Variants in SH2B1 observed in about 807,000 individuals in gnomAD.
SH2B1 encodes SH2B adapter protein 1.
SH2B1 carries 15 observed loss-of-function variants against 62.6 expected under a neutral mutation model. That is an observed-to-expected ratio of 0.24 (90% CI 0.16 to 0.37). The LOEUF (loss-of-function observed/expected upper bound fraction) is 0.37, where lower values mean the gene tolerates loss of function less well. Among genes scored for constraint, SH2B1 ranks in the 10% least tolerant of loss-of-function variants. The probability of loss-of-function intolerance (pLI) is 1.00; values close to 1 mark genes in which losing one functional copy is unlikely to be tolerated. For missense variants in SH2B1, 925 were observed against 1,015.6 expected (o/e 0.91, Z 1.21); for synonymous variants, 443 against 438.0 (o/e 1.01, Z -0.14).
chr16:28,861,408 C>T (rs1391263450), upstream of SH2B1, among the ~76,000 whole-genome samples: 5 of 149,990 alleles, frequency 3.3e-5, no homozygotes, highest in African/African-American at 4.9e-5. Context: ...GGATTACAGG[C>T]GTGAGCCACT....
rs1259173791 is a variant in SH2B1, at chr16:28,873,867, G to A, written c.*47G>A. 1.1e-5 allele frequency: 15 copies of A among 1,390,160 alleles called. No individual in the cohort carries two copies. The highest frequency in any genetic ancestry group is 8.9e-5 in the African/African-American group (6 of 67,604). The allele number at this position is 1,390,160 out of a possible 1,614,324, so 86.1% of individuals were successfully genotyped here. On this transcript the variant is annotated 3_prime_UTR_variant, in exon 8 of 8. Transcript: ENST00000684370. This position sits in a 1 kb window ranked among gnomAD's most constrained non-coding sequence, Gnocchi z 4.2. ...CTTTTTAAACCCCCCAGCCCTGCTC[G>A]TGAGATTGGGCTGGGTAGGGACAGA...
At chr16:28,858,031 G>A (rs144938020) in intron 1 of SH2B1, among the ~76,000 whole-genome samples, 512 of 151,960 alleles carry the variant, frequency 3.4e-3, no homozygotes, top group African/African-American at 0.011. Flanking sequence ...GAGCCACCGC[G>A]CCCGGCCAGA....
chr16:28,850,904 G>T (rs1962083035), intron 1 of SH2B1, among the ~76,000 whole-genome samples: 1 of 150,884 alleles, frequency 6.6e-6, no homozygotes, highest in African/African-American at 2.4e-5. Flanking sequence ...GCCGGACGTG[G>T]TGGCTCATGC....
intron 2 of SH2B1, among the ~76,000 whole-genome samples, chr16:28,868,652 T>C (rs1293421747): frequency 6.6e-6 from 1 of 152,096 alleles, no homozygotes; most frequent in African/African-American, 2.4e-5. Flanking sequence ...GAGACAGGGT[T>C]TCACCACATT....
rs1470785600 is a variant in SH2B1, at chr16:28,866,767, A to G, written c.673A>G (p.Thr225Ala). 4.4e-6 allele frequency: 7 copies of G among 1,579,456 alleles called. No individual in the cohort carries two copies. In the Middle Eastern group the frequency reaches 5.1e-4, roughly 116 times the overall value. Residue 225 changes from threonine (T) to alanine (A), a missense_variant, in exon 1 of 8, where the codon ACT becomes GCT. Transcript: ENST00000684370. The surrounding 1 kb of genome is among the most constrained non-coding windows in gnomAD (Gnocchi z 6.3). ...TGGAACGTCCCCTGGGGAAAGATGG[A>G]CTCACCGTTTTGAGAGGCTGAGACT... ...SDGTSPGERW[T>A]HRFERLRLSR...
chr16:28,848,398 A>G (rs1962031109), intron 1 of SH2B1, among the ~76,000 whole-genome samples: 1 of 151,986 alleles, frequency 6.6e-6, no homozygotes, highest in South Asian at 2.1e-4. Context: ...AGATGGTGCC[A>G]CTGCACTCCA....
At chr16:28,867,876 TGGAGTGCA>T (rs1377290910) in intron 2 of SH2B1, among the ~76,000 whole-genome samples, 1 of 152,254 alleles carries the variant, frequency 6.6e-6, no homozygotes, top group Non-Finnish European at 1.5e-5. Flanking sequence ...CCGCACAGGC[TGGAGTGCA>T]GCGGCGCGAT....
intron 1 of SH2B1, among the ~76,000 whole-genome samples, chr16:28,854,099 C>A (rs866881349): frequency 1.3e-5 from 2 of 150,906 alleles, no homozygotes; most frequent in Non-Finnish European, 2.9e-5. Flanking sequence ...CAAGACTAGC[C>A]TGGGCAATGT....
Position 28,864,042 on chromosome 16 carries a change from G to C in SH2B1, c.-2053G>C. ...AGGATTCCTGGGTGGGGGTGGGCGT[G>C]GAGGGCCGGGGGCTGGAGAGGCACT... On this transcript the variant is annotated 5_prime_UTR_variant, in exon 1 of 8. Coordinates refer to ENST00000684370, the MANE Select transcript of SH2B1 (RefSeq NM_001387430.1). 3 of 1,379,916 alleles carry C rather than the reference G, an allele frequency of 2.2e-6. No individual in the cohort carries two copies. The highest frequency in any genetic ancestry group is 2.8e-6 in the Non-Finnish European group (3 of 1,065,484). The allele number at this position is 1,379,916 out of a possible 1,614,324, so 85.5% of individuals were successfully genotyped here. A position where few individuals can be genotyped will look rare whatever the true frequency, so the allele number is the denominator to read the frequency against.
In SH2B1 at chr16:28,865,703, G is replaced by T; in HGVS notation, c.-392G>T. ...ATATTGGAGGATCCGATGTAGAGGG[G>T]GGGTGATCTGGAAAAGTTCCCTTTT... On this transcript the variant is annotated 5_prime_UTR_variant, in exon 1 of 8. Transcript: ENST00000684370. The T allele has an allele frequency of 9.8e-7, 1 of 1,017,266 alleles. No individual in the cohort carries two copies. Among genetic ancestry groups the T allele is most frequent in the Non-Finnish European group, 1.2e-6 (1 of 851,726 alleles). 63.0% of individuals were successfully genotyped at this position (1,017,266 alleles called of 1,614,324 possible).
chr16:28,871,704 G>A, intron 4 of SH2B1, 76 bp from the exon 5 acceptor site: 4 of 1,189,850 alleles, frequency 3.4e-6, no homozygotes, highest in Non-Finnish European at 5.0e-6. Context: ...TAGACTGCTG[G>A]TGAGGAGATG....
chr16:28,869,301 G>C lies in SH2B1; in HGVS notation c.1227G>C (p.Leu409=), dbSNP rs1962902710. 1 of 1,614,140 alleles carries C rather than the reference G, an allele frequency of 6.2e-7. No individual in the cohort carries two copies. The highest frequency in any genetic ancestry group is 2.2e-5 in the East Asian group (1 of 44,884). The change falls in exon 4 of 8, where the codon CTG becomes CTC. Residue 409 remains leucine, a synonymous_variant. Coordinates refer to ENST00000684370, the MANE Select transcript of SH2B1 (RefSeq NM_001387430.1). ...GGGAGAACACAGACAGCCTGGAGCT[G>C]TCCTGCCTGAATCACTCGGAGAGTC... ...LTRENTDSLE[L]SCLNHSESLP...
In SH2B1 at chr16:28,872,128, T is replaced by C; in HGVS notation, c.1514-62T>C. On this transcript the variant is annotated intron_variant, in intron 5 of 7. Coordinates refer to ENST00000684370, the MANE Select transcript of SH2B1 (RefSeq NM_001387430.1). The surrounding 1 kb of genome is among the most constrained non-coding windows in gnomAD (Gnocchi z 5.3). The stretch of plus-strand genomic sequence containing the variant: ...CCTTGAGGGGAAGGCAAGGCTTTTT[T>C]CTCCCAGGATGGGGGAGGCTGCCCT... 1 of 1,530,494 alleles carries C rather than the reference T, an allele frequency of 6.5e-7. No individual in the cohort carries two copies. The highest frequency in any genetic ancestry group is 1.1e-5 in the South Asian group (1 of 87,714). The allele number at this position is 1,530,494 out of a possible 1,614,324, so 94.8% of individuals were successfully genotyped here.
In SH2B1 at chr16:28,864,721, A is replaced by C. The variant is rs1962591156; in HGVS notation, c.-1374A>C. The C allele has an allele frequency of 1.1e-6, 1 of 934,280 alleles. No individual in the cohort carries two copies. Among genetic ancestry groups the C allele is most frequent in the Non-Finnish European group, 1.3e-6 (1 of 783,412 alleles). The allele number at this position is 934,280 out of a possible 1,614,324, so 57.9% of individuals were successfully genotyped here. The stretch of plus-strand genomic sequence containing the variant: ...GCGCTAACAAGAGCCAAGGGTTGTA[A>C]ATTCCACACCCAGCTCTGCCACTTT... On this transcript the variant is annotated 5_prime_UTR_variant, in exon 1 of 8. Coordinates refer to ENST00000684370, the MANE Select transcript of SH2B1 (RefSeq NM_001387430.1).
At chr16:28,863,446 G>C (rs970647150), upstream of SH2B1, 10 of 477,158 alleles carry the variant, frequency 2.1e-5, no homozygotes, top group African/African-American at 2.0e-4. Flanking sequence ...CCTCCACAGC[G>C]GGGCCGGCGC....
In SH2B1 at chr16:28,865,707, T is replaced by G; in HGVS notation, c.-388T>G. On this transcript the variant is annotated 5_prime_UTR_variant, in exon 1 of 8. It removes the in-frame stop codon of an upstream open reading frame in the 5' UTR. Coordinates refer to ENST00000684370, the MANE Select transcript of SH2B1 (RefSeq NM_001387430.1). ...TGGAGGATCCGATGTAGAGGGGGGGTGATCTGGAAAAGTTCCCTTTTTTAG... is the reference window on the plus strand; with the variant it reads ...TGGAGGATCCGATGTAGAGGGGGGGGGATCTGGAAAAGTTCCCTTTTTTAG... 9.9e-7 allele frequency: 1 copy of G among 1,015,068 alleles called. No individual in the cohort carries two copies. The allele number at this position is 1,015,068 out of a possible 1,614,324, so 62.9% of individuals were successfully genotyped here. A position where few individuals can be genotyped will look rare whatever the true frequency, so the allele number is the denominator to read the frequency against.
rs1962850872 is a variant in SH2B1, at chr16:28,868,463, T to C, written c.1042-543T>C. On this transcript the variant is annotated intron_variant, in intron 2 of 7. Coordinates refer to ENST00000684370, the MANE Select transcript of SH2B1 (RefSeq NM_001387430.1). ...CCTATTTTATTTTATTTTATTTTTA[T>C]TTTTTATATTTTTGAGACGGCATTT... Among the ~76,000 whole-genome samples, 4 of 152,088 alleles carry C rather than the reference T, an allele frequency of 2.6e-5. No homozygotes were observed. In the South Asian group the frequency reaches 8.3e-4, roughly 32 times the overall value.
At chr16:28,861,015 G>A (rs940883867), upstream of SH2B1, among the ~76,000 whole-genome samples, 6 of 151,812 alleles carry the variant, frequency 4.0e-5, no homozygotes, top group Admixed American at 1.3e-4. Flanking sequence ...ATGAGGTTTC[G>A]CCATGTTGGC....
chr16:28,851,593 G>C (rs1962100657), intron 1 of SH2B1, among the ~76,000 whole-genome samples: 1 of 151,036 alleles, frequency 6.6e-6, no homozygotes, highest in East Asian at 2.0e-4. Flanking sequence ...CTCCCAAGTA[G>C]CTGGGATTCC....
Sources: gnomAD v4.1 joint callset for allele counts (sites outside exome capture counted in the v4.1 genomes callset) on GRCh38, gnomAD v4.1.1 for gene constraint, Gnocchi (gnomAD v3.1) non-coding constraint, MANE v1.5 for transcripts, NCBI Gene and HGNC (gene_info 2026-07-23, HGNC 2026-07-21) for gene names.